OSBPL6: variants seen among roughly 807,000 people sequenced by gnomAD.
OSBPL6 encodes oxysterol binding protein like 6.
In OSBPL6, 49 loss-of-function variants were observed where a neutral mutation model predicts 125.8. The observed-to-expected ratio is 0.39, with a 90% CI of 0.31 to 0.49. The LOEUF is 0.49. OSBPL6 is among the 20% of genes least tolerant of loss of function. The probability of loss-of-function intolerance (pLI) is 0.88; values close to 1 mark genes in which losing one functional copy is unlikely to be tolerated. For synonymous variants in OSBPL6, 394 were observed against 391.8 expected, an observed-to-expected ratio of 1.01 and a Z score of -0.07; for missense variants, 986 against 1,135.4, an observed-to-expected ratio of 0.87 and a Z score of 1.89.
intron 3 of OSBPL6, among the ~76,000 whole-genome samples, chr2:178,313,187 C>T (rs1418915117): frequency 1.3e-5 from 2 of 152,326 alleles, no homozygotes; most frequent in East Asian, 1.9e-4. Flanking sequence ...TGAGCCACCA[C>T]GCCTGGCCTA....
chr2:178,197,805 G>A (rs1228978479), intron 1 of OSBPL6, among the ~76,000 whole-genome samples: 1 of 152,110 alleles, frequency 6.6e-6, no homozygotes, highest in Admixed American at 6.6e-5. Context: ...GATAATGCAT[G>A]GACCAGTGAT....
Position 178,331,179 on chromosome 2 carries a change from G to A in OSBPL6, c.319-373G>A, listed in dbSNP as rs16866257. On this transcript the variant is annotated intron_variant, in intron 5 of 24. Coordinates refer to ENST00000190611, the MANE Select transcript of OSBPL6 (RefSeq NM_032523.4). ...TATTCACGGTGAAAAATTCCCTGTA[G>A]ACCTGTATAGAGCTCCTTACAGAGT... 9.6e-4 allele frequency among the ~76,000 whole-genome samples: 146 copies of A among 152,240 alleles called. No homozygotes were observed. In the East Asian group the frequency reaches 0.022, roughly 23 times the overall value.
chr2:178,249,668 G>A (rs2091618245), intron 1 of OSBPL6, among the ~76,000 whole-genome samples: 1 of 151,990 alleles, frequency 6.6e-6, no homozygotes, highest in South Asian at 2.1e-4. Flanking sequence ...ATTTCTTGAT[G>A]CACTCAGTAT....
intron 1 of OSBPL6, among the ~76,000 whole-genome samples, chr2:178,205,969 T>C (rs1446481465): frequency 6.6e-6 from 1 of 152,234 alleles, no homozygotes; most frequent in Non-Finnish European, 1.5e-5. Flanking sequence ...TTGAAAATGA[T>C]ATTTCAAACT....
chr2:178,365,053 A>G (rs1183478410), intron 13 of OSBPL6, among the ~76,000 whole-genome samples: 1 of 151,746 alleles, frequency 6.6e-6, no homozygotes, highest in African/African-American at 2.4e-5. Context: ...GCGGGCGCCT[A>G]TAATCCCAGC....
intron 13 of OSBPL6, among the ~76,000 whole-genome samples, chr2:178,366,934 G>A (rs1018111180): frequency 1.3e-5 from 2 of 152,120 alleles, no homozygotes; most frequent in African/African-American, 4.8e-5. Flanking sequence ...TTACCCTGTA[G>A]GTCCATGGCT....
At chr2:178,211,522 G>A (rs753816792) in intron 1 of OSBPL6, among the ~76,000 whole-genome samples, 6 of 152,156 alleles carry the variant, frequency 3.9e-5, no homozygotes, top group Non-Finnish European at 7.4e-5. Flanking sequence ...TCCTGCCAGA[G>A]CAAGATTGCT....
At chr2:178,202,317 G>A (rs1003488623) in intron 1 of OSBPL6, among the ~76,000 whole-genome samples, 2 of 151,718 alleles carry the variant, frequency 1.3e-5, no homozygotes, top group East Asian at 1.9e-4. Flanking sequence ...GTTTCCAATG[G>A]TGCTAACTTT....
At chr2:178,293,554 A>G (rs1039115934) in intron 2 of OSBPL6, among the ~76,000 whole-genome samples, 6 of 152,100 alleles carry the variant, frequency 3.9e-5, no homozygotes, top group Non-Finnish European at 7.4e-5. Context: ...GGCACATGAG[A>G]TGTTTTGATA....
At chr2:178,386,749 A>C (rs1035286095) in intron 19 of OSBPL6, among the ~76,000 whole-genome samples, 6 of 147,726 alleles carry the variant, frequency 4.1e-5, no homozygotes, top group Non-Finnish European at 7.5e-5. Context: ...ACACACACAC[A>C]CCGCACACAC....
At position 178,392,302 on chromosome 2, in the gene OSBPL6, T is replaced by C. The variant is rs1219607206; in HGVS notation, c.2447-110T>C. 5 of 1,272,502 alleles carry C rather than the reference T, an allele frequency of 3.9e-6. No individual in the cohort carries two copies. The African/African-American group carries it at 7.4e-5, about 19-fold the overall frequency. The allele number at this position is 1,272,502 out of a possible 1,614,324, so 78.8% of individuals were successfully genotyped here. On this transcript the variant is annotated intron_variant, in intron 22 of 24. Coordinates refer to ENST00000190611, the MANE Select transcript of OSBPL6 (RefSeq NM_032523.4). ...TTGAAAAAATCTATAATCTTGTGTTTATGACTACAAATTTGGTGTTAGTGT... is the reference window on the plus strand; with the variant it reads ...TTGAAAAAATCTATAATCTTGTGTTCATGACTACAAATTTGGTGTTAGTGT...
In OSBPL6 at chr2:178,339,706, G is replaced by T. The variant is rs199599125; in HGVS notation, c.929G>T (p.Arg310Leu). Residue 310 changes from arginine (R) to leucine (L), a missense_variant, in exon 11 of 25, where the codon CGG becomes CTG. Physicochemically the swap from Arg to Leu is moderately radical, Grantham distance 102 (BLOSUM62 -2). Around this residue, in one of 3 missense-constraint regions of OSBPL6, gnomAD observed 843 missense variants for 997.3 expected, o/e 0.85. Coordinates refer to ENST00000190611, the MANE Select transcript of OSBPL6 (RefSeq NM_032523.4). The part of the protein sequence containing the change: ...NCVDISKKDK[R>L]VTRRWRTKSV... ...GTAGATATTTCAAAGAAAGACAAGC[G>T]GGTCACAAGACGATGGAGAACAAAA... 23 of 1,604,590 alleles carry T rather than the reference G, an allele frequency of 1.4e-5. No homozygotes were observed. Among genetic ancestry groups the T allele is most frequent in the Non-Finnish European group, 1.9e-5 (22 of 1,175,880 alleles).
intron 5 of OSBPL6, among the ~76,000 whole-genome samples, chr2:178,328,893 G>A (rs1688939659): frequency 1.3e-5 from 2 of 152,126 alleles, no homozygotes; most frequent in South Asian, 4.1e-4. Context: ...AAAAATATGT[G>A]ATATTTAATC....
intron 3 of OSBPL6, among the ~76,000 whole-genome samples, chr2:178,307,899 A>G (rs1425455247): frequency 6.6e-6 from 1 of 152,144 alleles, no homozygotes; most frequent in Admixed American, 6.5e-5. Context: ...GAGCTCCAGG[A>G]CGGGCACGCA....
chr2:178,282,442 C>T (rs1684292570), intron 1 of OSBPL6, among the ~76,000 whole-genome samples: 2 of 152,182 alleles, frequency 1.3e-5, no homozygotes, highest in Non-Finnish European at 2.9e-5. Flanking sequence ...TACCTTCCCA[C>T]TTGTTATTTT....
intron 1 of OSBPL6, among the ~76,000 whole-genome samples, chr2:178,232,932 C>T (rs1230263096): frequency 6.6e-6 from 1 of 152,162 alleles, no homozygotes; most frequent in Non-Finnish European, 1.5e-5. Context: ...CAGAATAACT[C>T]AGAACACCTG....
chr2:178,258,638 G>T (rs142280835), intron 1 of OSBPL6, among the ~76,000 whole-genome samples: 37 of 152,194 alleles, frequency 2.4e-4, no homozygotes, highest in African/African-American at 8.2e-4. Flanking sequence ...ATACAGTCTT[G>T]ACAAATGGTT....
chr2:178,304,116 C>T (rs984291253), intron 2 of OSBPL6, among the ~76,000 whole-genome samples: 1 of 152,138 alleles, frequency 6.6e-6, no homozygotes, highest in Admixed American at 6.5e-5. Flanking sequence ...GGCCCTGTCT[C>T]TCTGCTCCCA....
At chr2:178,301,121 C>T (rs950900906) in intron 2 of OSBPL6, among the ~76,000 whole-genome samples, 3 of 151,618 alleles carry the variant, frequency 2.0e-5, no homozygotes, top group Admixed American at 2.0e-4. Context: ...ATAAAATATA[C>T]AGGAAGTTTA....
Sources: gnomAD v4.1 joint callset for allele counts (sites outside exome capture counted in the v4.1 genomes callset) on GRCh38, gnomAD v4.1.1 for gene constraint, gnomAD v4.1.1 regional missense constraint, MANE v1.5 for transcripts, NCBI Gene and HGNC (gene_info 2026-07-23, HGNC 2026-07-21) for gene names.